The following FARP1 variants were observed in gnomAD, a reference collection of about 807,000 sequenced individuals.
FARP1 encodes FERM, ARHGEF and pleckstrin domain-containing protein 1.
Under a neutral mutation model 128.8 loss-of-function variants are expected in FARP1, and 52 were observed. That is an observed-to-expected ratio of 0.40 (90% CI 0.32 to 0.51). The LOEUF is 0.51. FARP1 is among the 20% of genes least tolerant of loss of function. The pLI, the probability that FARP1 is intolerant of heterozygous loss-of-function variation, is 0.45. For synonymous variants in FARP1, 580 were observed against 551.8 expected (o/e 1.05, Z -0.72); for missense variants, 1,333 against 1,367.9 (o/e 0.97, Z 0.40).
intron 2 of FARP1, among the ~76,000 whole-genome samples, chr13:98,278,488 C>G (rs1343729742): frequency 6.6e-6 from 1 of 152,088 alleles, no homozygotes; most frequent in African/African-American, 2.4e-5. Context: ...TGTTGTGTAA[C>G]TCACCAGATG....
chr13:98,209,873 C>T lies in FARP1; in HGVS notation c.-23-3347C>T, dbSNP rs182381349. Among the ~76,000 whole-genome samples the T allele has an allele frequency of 2.2e-5, 3 of 138,344 alleles. No individual in the cohort carries two copies. The Admixed American group carries it at 2.2e-4, about 10-fold the overall frequency. The allele number at this position is 138,344 out of a possible 152,430, so 90.8% of individuals were successfully genotyped here. A position where few individuals can be genotyped will look rare whatever the true frequency, so the allele number is the denominator to read the frequency against. On this transcript the variant is annotated intron_variant, in intron 1 of 26. Coordinates refer to ENST00000319562, the MANE Select transcript of FARP1 (RefSeq NM_005766.4). ...GGTGCACGCCTGTAATCCCAGCTAC[C>T]CGGGAGGCTGAGGCAGGAGAATTGC...
intron 2 of FARP1, among the ~76,000 whole-genome samples, chr13:98,242,966 T>G (rs1450297986): frequency 6.6e-6 from 1 of 152,238 alleles, no homozygotes; most frequent in African/African-American, 2.4e-5. Context: ...AAAGGTACTT[T>G]CACTGCTCAC....
At chr13:98,422,208 C>T (rs562277528) in intron 16 of FARP1, among the ~76,000 whole-genome samples, 2 of 152,262 alleles carry the variant, frequency 1.3e-5, no homozygotes, top group East Asian at 1.9e-4. Flanking sequence ...GAAAGCTTCC[C>T]GTAGCAGATG....
At chr13:98,263,000 T>G (rs1045661740) in intron 2 of FARP1, among the ~76,000 whole-genome samples, 31 of 151,176 alleles carry the variant, frequency 2.1e-4, no homozygotes, top group African/African-American at 7.1e-4. Flanking sequence ...TAAACATTAT[T>G]ATTATTATTA....
At chr13:98,373,529 G>GACAC (rs1555341442) in intron 5 of FARP1, among the ~76,000 whole-genome samples, 5 of 79,168 alleles carry the variant, frequency 6.3e-5, no homozygotes, top group South Asian at 3.7e-4. Context: ...GAGACAGACA[G>GACAC]ACAGACACAC....
At chr13:98,162,634 T>G (rs1464532562) in intron 1 of FARP1, among the ~76,000 whole-genome samples, 1 of 152,196 alleles carries the variant, frequency 6.6e-6, no homozygotes, top group East Asian at 1.9e-4. Context: ...ATTTATGATC[T>G]TAGTCTTCAG....
intron 16 of FARP1, among the ~76,000 whole-genome samples, chr13:98,415,318 A>G (rs1449581877): frequency 4.6e-5 from 7 of 152,170 alleles, no homozygotes; most frequent in African/African-American, 1.7e-4. Context: ...TTCTGCAACA[A>G]CCGACCCTGC....
chr13:98,154,184 A>G (rs1346848523), intron 1 of FARP1, among the ~76,000 whole-genome samples: 1 of 152,216 alleles, frequency 6.6e-6, no homozygotes, highest in African/African-American at 2.4e-5. Flanking sequence ...TTATTGAAGA[A>G]CAGTTGACTT....
chr13:98,246,494 A>T (rs1883075081), intron 2 of FARP1, among the ~76,000 whole-genome samples: 1 of 152,050 alleles, frequency 6.6e-6, no homozygotes, highest in Admixed American at 6.6e-5. Flanking sequence ...GTTTTTGTCT[A>T]GGAAACATGG....
At chr13:98,327,799 G>T (rs1025497838) in intron 2 of FARP1, among the ~76,000 whole-genome samples, 3 of 152,164 alleles carry the variant, frequency 2.0e-5, no homozygotes, top group Non-Finnish European at 4.4e-5. Context: ...ATAAAGGGTC[G>T]CAGCCTGCAA....
chr13:98,307,055 G>A (rs1886197239), intron 2 of FARP1, among the ~76,000 whole-genome samples: 1 of 152,218 alleles, frequency 6.6e-6, no homozygotes, highest in South Asian at 2.1e-4. Context: ...CTGGCTAATT[G>A]TGGAGGGCTC....
chr13:98,295,444 A>G (rs911396908), intron 2 of FARP1, among the ~76,000 whole-genome samples: 1 of 152,132 alleles, frequency 6.6e-6, no homozygotes, highest in Non-Finnish European at 1.5e-5. Flanking sequence ...AGCCATTTAG[A>G]TTTAAGGAAG....
At chr13:98,385,400 T>G (rs937631492) in intron 7 of FARP1, among the ~76,000 whole-genome samples, 1 of 147,844 alleles carries the variant, frequency 6.8e-6, no homozygotes, top group African/African-American at 2.6e-5. Context: ...GGAAACTCTT[T>G]GAGATTCCAA....
At chr13:98,166,356 C>T (rs952535639) in intron 1 of FARP1, among the ~76,000 whole-genome samples, 12 of 152,174 alleles carry the variant, frequency 7.9e-5, no homozygotes, top group African/African-American at 2.7e-4. Flanking sequence ...CCATATTGCC[C>T]TCCATGGCTT....
At chr13:98,257,806 T>C (rs548838834) in intron 2 of FARP1, among the ~76,000 whole-genome samples, 11 of 152,260 alleles carry the variant, frequency 7.2e-5, no homozygotes, top group African/African-American at 2.4e-4. Context: ...CCCTCATTGA[T>C]GTGTGGCTAC....
At chr13:98,287,204 A>AGGCCTTT (rs1327624660) in intron 2 of FARP1, among the ~76,000 whole-genome samples, 20 of 114,834 alleles carry the variant, frequency 1.7e-4, no homozygotes, top group Non-Finnish European at 2.0e-4. Flanking sequence ...ACCATCAGAC[A>AGGCCTTT]TGTCTTTTTT....
chr13:98,272,271 C>A (rs1642764057), intron 2 of FARP1, among the ~76,000 whole-genome samples: 1 of 152,098 alleles, frequency 6.6e-6, no homozygotes, highest in African/African-American at 2.4e-5. Context: ...CTCAGGTGAT[C>A]CGCCCACCTC....
chr13:98,430,655 C>T (rs1891975295), intron 17 of FARP1, among the ~76,000 whole-genome samples: 1 of 152,202 alleles, frequency 6.6e-6, no homozygotes, highest in Admixed American at 6.5e-5. Flanking sequence ...TCACTGACGG[C>T]CCCTGGGCTG....
chr13:98,305,988 CTGTG>C (rs1886136599), intron 2 of FARP1, among the ~76,000 whole-genome samples: 1 of 152,058 alleles, frequency 6.6e-6, no homozygotes, highest in South Asian at 2.1e-4. Context: ...GCTTTGCTGT[CTGTG>C]TGGAGACTGA....
Sources: allele counts gnomAD v4.1 joint callset (sites outside exome capture counted in the v4.1 genomes callset), GRCh38; gene constraint gnomAD v4.1.1; transcripts MANE v1.5; gene names NCBI Gene and HGNC (gene_info 2026-07-23, HGNC 2026-07-21).